CPNE4: variants seen among roughly 807,000 people sequenced by gnomAD.
CPNE4 encodes copine-4.
A neutral mutation model predicts 67.9 loss-of-function variants in CPNE4; 25 were observed. The observed-to-expected ratio is 0.37, with a 90% CI of 0.27 to 0.51. The LOEUF (loss-of-function observed/expected upper bound fraction) is 0.51, where lower values mean the gene tolerates loss of function less well. CPNE4 is among the 20% of genes least tolerant of loss of function. The pLI is 0.93. For missense variants in CPNE4, 464 were observed against 690.8 expected (o/e 0.67, Z 3.68); for synonymous variants, 242 against 244.9 (o/e 0.99, Z 0.11).
At chr3:131,700,760 T>C (rs1200985173) in intron 3 of CPNE4, among the ~76,000 whole-genome samples, 3 of 152,240 alleles carry the variant, frequency 2.0e-5, no homozygotes, top group African/African-American at 7.2e-5. Context: ...ACCCAAAGGA[T>C]TATAAATCAT....
chr3:131,890,304 G>A (rs1338030452), intron 2 of CPNE4, among the ~76,000 whole-genome samples: 1 of 151,614 alleles, frequency 6.6e-6, no homozygotes, highest in Non-Finnish European at 1.5e-5. Flanking sequence ...CTCCAAAGAA[G>A]ACATAAAAAT....
chr3:131,618,445 CATT>C (rs529986593), intron 7 of CPNE4, among the ~76,000 whole-genome samples: 26 of 152,128 alleles, frequency 1.7e-4, no homozygotes, highest in Non-Finnish European at 3.5e-4. Flanking sequence ...GTATACAACA[CATT>C]ATTATTATTA....
chr3:131,560,145 TTGAG>T (rs1936685250), intron 11 of CPNE4, among the ~76,000 whole-genome samples: 2 of 152,074 alleles, frequency 1.3e-5, no homozygotes, highest in Admixed American at 6.6e-5. Flanking sequence ...CTGACATTTA[TTGAG>T]TATTTATAAA....
At chr3:131,766,709 G>A (rs1387557023) in intron 2 of CPNE4, among the ~76,000 whole-genome samples, 2 of 152,040 alleles carry the variant, frequency 1.3e-5, no homozygotes, top group Non-Finnish European at 2.9e-5. Flanking sequence ...ACTGGATACA[G>A]CCGTACAAAA....
At chr3:131,864,851 A>G (rs1224500720) in intron 2 of CPNE4, among the ~76,000 whole-genome samples, 1 of 151,964 alleles carries the variant, frequency 6.6e-6, no homozygotes, top group African/African-American at 2.4e-5. Flanking sequence ...GTTTGTCATA[A>G]ATAGCTCTTA....
intron 13 of CPNE4, 66 bp from the exon 14 acceptor site, chr3:131,550,146 A>C: frequency 6.4e-7 from 1 of 1,552,584 alleles, no homozygotes; most frequent in Non-Finnish European, 8.8e-7. Context: ...AGCCAAACAC[A>C]CACAAAAGTA....
intron 2 of CPNE4, among the ~76,000 whole-genome samples, chr3:131,797,037 C>G (rs888819385): frequency 6.6e-6 from 1 of 152,210 alleles, no homozygotes; most frequent in Non-Finnish European, 1.5e-5. Flanking sequence ...CATGTCTTCA[C>G]TTCAGCTTTA....
intron 1 of CPNE4, among the ~76,000 whole-genome samples, chr3:131,908,845 G>A (rs181648945): frequency 5.3e-5 from 8 of 152,152 alleles, no homozygotes; most frequent in Non-Finnish European, 7.4e-5. Context: ...GGTATTTAAC[G>A]TCTCAGATGG....
At chr3:131,684,111 C>G (rs1330098055) in intron 6 of CPNE4, among the ~76,000 whole-genome samples, 1 of 152,164 alleles carries the variant, frequency 6.6e-6, no homozygotes, top group Admixed American at 6.5e-5. Context: ...ATGTTAAAAC[C>G]AAGTACTGTG....
At chr3:131,928,191 G>A (rs2070949623) in intron 1 of CPNE4, among the ~76,000 whole-genome samples, 1 of 152,124 alleles carries the variant, frequency 6.6e-6, no homozygotes, top group South Asian at 2.1e-4. Context: ...GTGTAAACAT[G>A]AGTTCTTATA....
At position 131,568,529 on chromosome 3, in the gene CPNE4, C is replaced by T. The variant is rs564639979; in HGVS notation, c.928-4180G>A. On this transcript the variant is annotated intron_variant, in intron 10 of 15. Coordinates refer to ENST00000429747, the MANE Select transcript of CPNE4 (RefSeq NM_130808.3). ...TCCTGATAGGAAGCATTTATGGAAACCTGTGGTTCTGGTATGTGCTCCAAT... is the reference window on the plus strand; with the variant it reads ...TCCTGATAGGAAGCATTTATGGAAATCTGTGGTTCTGGTATGTGCTCCAAT... 2.0e-5 allele frequency among the ~76,000 whole-genome samples: 3 copies of T among 152,092 alleles called. No individual in the cohort carries two copies. In the East Asian group the frequency reaches 5.8e-4, roughly 30 times the overall value.
At chr3:131,657,659 C>T (rs6767376) in intron 7 of CPNE4, among the ~76,000 whole-genome samples, 135,010 of 150,490 alleles carry the variant, frequency 0.9, 60,701 homozygotes, top group East Asian at 0.97. Flanking sequence ...CTCAGCCTCC[C>T]GAGGAGCTGG....
chr3:131,800,331 C>A (rs1179925945), intron 2 of CPNE4, among the ~76,000 whole-genome samples: 3 of 152,124 alleles, frequency 2.0e-5, no homozygotes, highest in East Asian at 3.9e-4. Context: ...ATAATACAGA[C>A]CTGTTTGCAG....
chr3:131,813,870 C>G (rs1401456697), intron 2 of CPNE4, among the ~76,000 whole-genome samples: 1 of 152,074 alleles, frequency 6.6e-6, no homozygotes, highest in Non-Finnish European at 1.5e-5. Context: ...TTTTGAAATT[C>G]TTGTGTTGAA....
intron 1 of CPNE4, among the ~76,000 whole-genome samples, chr3:131,924,529 G>T (rs2070840020): frequency 6.6e-6 from 1 of 152,078 alleles, no homozygotes; most frequent in African/African-American, 2.4e-5. Flanking sequence ...ATCACTTGGA[G>T]ATCTTTTAAA....
intron 2 of CPNE4, among the ~76,000 whole-genome samples, chr3:131,806,265 T>C (rs2084303909): frequency 6.6e-6 from 1 of 152,084 alleles, no homozygotes; most frequent in South Asian, 2.1e-4. Context: ...AAAATTAAAA[T>C]ATTGGCCAGG....
At chr3:131,549,185 G>C (rs114392817) in intron 14 of CPNE4, among the ~76,000 whole-genome samples, 1 of 152,102 alleles carries the variant, frequency 6.6e-6, no homozygotes, top group Non-Finnish European at 1.5e-5. Flanking sequence ...CATGAAGGAA[G>C]GCTGAGAACA....
chr3:131,930,291 G>A (rs1161173953), intron 1 of CPNE4, among the ~76,000 whole-genome samples: 2 of 152,080 alleles, frequency 1.3e-5, no homozygotes. Context: ...AAAATAGAAG[G>A]AGACAGAGCC....
At chr3:131,900,763 A>G (rs1215013675) in intron 2 of CPNE4, among the ~76,000 whole-genome samples, 1 of 152,108 alleles carries the variant, frequency 6.6e-6, no homozygotes, top group Non-Finnish European at 1.5e-5. Flanking sequence ...TTATTACTAC[A>G]AACAATAATC....
Sources: gnomAD v4.1 joint callset for allele counts (sites outside exome capture counted in the v4.1 genomes callset) on GRCh38, gnomAD v4.1.1 for gene constraint, MANE v1.5 for transcripts, NCBI Gene and HGNC (gene_info 2026-07-23, HGNC 2026-07-21) for gene names.